Variants in ADCY2 observed in about 807,000 individuals in gnomAD.
ADCY2 encodes the protein adenylate cyclase type 2.
ADCY2 carries 31 observed loss-of-function variants against 125.2 expected under a neutral mutation model. The observed-to-expected ratio is 0.25, with a 90% CI of 0.19 to 0.33. The LOEUF is 0.33. Ranked by LOEUF, ADCY2 falls within the 10% of genes least tolerant of loss-of-function variation. ADCY2 has a pLI of 1.00. For synonymous variants in ADCY2, 512 were observed against 548.4 expected, an observed-to-expected ratio of 0.93 and a Z score of 0.93; for missense variants, 904 against 1,418.2, an observed-to-expected ratio of 0.64 and a Z score of 5.82.
chr5:7,807,702 C>A (rs1046291684), intron 22 of ADCY2, among the ~76,000 whole-genome samples: 3 of 152,196 alleles, frequency 2.0e-5, no homozygotes, highest in Non-Finnish European at 4.4e-5. Context: ...TGGATCACTT[C>A]CAGCTTCCTA....
chr5:7,678,022 T>C (rs1300031086), intron 4 of ADCY2, among the ~76,000 whole-genome samples: 1 of 152,242 alleles, frequency 6.6e-6, no homozygotes, highest in African/African-American at 2.4e-5. Flanking sequence ...AATATTTTTG[T>C]TGGCATGACA....
chr5:7,706,193 TTC>T (rs1407392610), intron 7 of ADCY2, among the ~76,000 whole-genome samples: 2 of 152,248 alleles, frequency 1.3e-5, no homozygotes, highest in Non-Finnish European at 2.9e-5. Flanking sequence ...GAAGTATTTT[TTC>T]TCTTTTTGTT....
chr5:7,658,685 G>T (rs531446268), intron 4 of ADCY2, among the ~76,000 whole-genome samples: 1 of 152,196 alleles, frequency 6.6e-6, no homozygotes, highest in East Asian at 1.9e-4. Flanking sequence ...GAGTTCTCCA[G>T]AGACACAACC....
chr5:7,611,376 G>A (rs902810258), intron 3 of ADCY2, among the ~76,000 whole-genome samples: 1 of 152,090 alleles, frequency 6.6e-6, no homozygotes, highest in Non-Finnish European at 1.5e-5. Context: ...TTTACCTAGT[G>A]TGCCCACTCT....
chr5:7,409,897 A>G (rs887433514), intron 1 of ADCY2, among the ~76,000 whole-genome samples: 8 of 152,182 alleles, frequency 5.3e-5, no homozygotes, highest in African/African-American at 1.9e-4. Flanking sequence ...TTGCCTATTT[A>G]TTCCTTTCAC....
chr5:7,735,351 C>T (rs531713031), intron 14 of ADCY2, among the ~76,000 whole-genome samples: 1 of 152,312 alleles, frequency 6.6e-6, no homozygotes, highest in African/African-American at 2.4e-5. Context: ...CTGGTTAAAG[C>T]CTCCAGTACA....
chr5:7,779,615 G>A (rs1743851800), intron 18 of ADCY2, among the ~76,000 whole-genome samples: 1 of 151,966 alleles, frequency 6.6e-6, no homozygotes, highest in Non-Finnish European at 1.5e-5. Context: ...TTTCTGACCT[G>A]CCACTGCCTC....
intron 3 of ADCY2, among the ~76,000 whole-genome samples, chr5:7,556,987 A>G (rs532355997): frequency 6.6e-6 from 1 of 152,062 alleles, no homozygotes; most frequent in South Asian, 2.1e-4. Context: ...GAAACGATAG[A>G]TGATTTTAGT....
At chr5:7,783,837 T>C (rs1392247688) in intron 18 of ADCY2, among the ~76,000 whole-genome samples, 1 of 152,222 alleles carries the variant, frequency 6.6e-6, no homozygotes, top group East Asian at 1.9e-4. Context: ...ACTCAGGCAG[T>C]GTACCCAAAA....
intron 1 of ADCY2, among the ~76,000 whole-genome samples, chr5:7,410,618 A>C (rs1739671189): frequency 6.6e-6 from 1 of 152,200 alleles, no homozygotes; most frequent in South Asian, 2.1e-4. Flanking sequence ...TTTAGTATGC[A>C]TTATATGGTA....
rs901492224 is a variant in ADCY2 at position 7,396,908 on chromosome 5, C to T, written c.210+402C>T. On this transcript the variant is annotated intron_variant, in intron 1 of 24. Coordinates refer to ENST00000338316, the MANE Select transcript of ADCY2 (RefSeq NM_020546.3). The surrounding 1 kb of genome is among the most constrained non-coding windows in gnomAD (Gnocchi z 5.7). Reference sequence around the variant, plus strand: ...CCTGGGCGAGTCGCTGTCTCCTGCCCGGTTCCACTGGCATGGCCCCACAGT... The same window carrying T: ...CCTGGGCGAGTCGCTGTCTCCTGCCTGGTTCCACTGGCATGGCCCCACAGT... Among the ~76,000 whole-genome samples the T allele has an allele frequency of 6.6e-6, 1 of 152,294 alleles. No homozygotes were observed. Among genetic ancestry groups the T allele is most frequent in the Non-Finnish European group, 1.5e-5 (1 of 68,022 alleles).
intron 4 of ADCY2, among the ~76,000 whole-genome samples, chr5:7,661,875 T>G (rs1739547983): frequency 6.6e-6 from 1 of 152,192 alleles, no homozygotes; most frequent in Non-Finnish European, 1.5e-5. Context: ...GTGTTTAGAG[T>G]GTTTTTGTCA....
At chr5:7,590,110 A>T (rs1030225420) in intron 3 of ADCY2, among the ~76,000 whole-genome samples, 1 of 152,202 alleles carries the variant, frequency 6.6e-6, no homozygotes, top group African/African-American at 2.4e-5. Context: ...CAAAGCCGAC[A>T]GGAGCTATTG....
Position 7,404,534 on chromosome 5 carries a change from A to G in ADCY2, c.210+8028A>G, listed in dbSNP as rs76084180. ...CAGGATGAAGGAGGGCACATCCCACAACACACTTCTTTCCTAATTGTTGCA... is the reference window on the plus strand; with the variant it reads ...CAGGATGAAGGAGGGCACATCCCACGACACACTTCTTTCCTAATTGTTGCA... On this transcript the variant is annotated intron_variant, in intron 1 of 24. Coordinates refer to ENST00000338316, the MANE Select transcript of ADCY2 (RefSeq NM_020546.3). 5.3e-5 allele frequency among the ~76,000 whole-genome samples: 8 copies of G among 152,310 alleles called. No homozygotes were observed. The East Asian group carries it at 1.5e-3, about 29-fold the overall frequency.
intron 7 of ADCY2, among the ~76,000 whole-genome samples, chr5:7,699,121 G>A (rs1387057817): frequency 7.8e-5 from 4 of 50,974 alleles, no homozygotes; most frequent in Non-Finnish European, 1.1e-4. Context: ...TTTTTGAGAC[G>A]GAGTCTCGCT....
chr5:7,673,098 C>T (rs1739988054), intron 4 of ADCY2, among the ~76,000 whole-genome samples: 1 of 150,772 alleles, frequency 6.6e-6, no homozygotes, highest in Non-Finnish European at 1.5e-5. Context: ...TTAAGCAAAA[C>T]CGAATTTTAT....
chr5:7,569,441 A>C (rs532669964), intron 3 of ADCY2, among the ~76,000 whole-genome samples: 41 of 152,230 alleles, frequency 2.7e-4, no homozygotes, highest in Non-Finnish European at 4.0e-4. Context: ...GGCACTAAAG[A>C]GATAATTAAT....
intron 2 of ADCY2, among the ~76,000 whole-genome samples, chr5:7,519,046 C>G (rs969188824): frequency 3.5e-4 from 54 of 152,168 alleles, no homozygotes; most frequent in Non-Finnish European, 5.9e-5. Context: ...CCTGGAGTGC[C>G]AAATCGAAGA....
rs572299188 is a variant in ADCY2, at chr5:7,825,272, A to G, written c.3124-1447A>G. On this transcript the variant is annotated intron_variant, in intron 24 of 24. Coordinates refer to ENST00000338316, the MANE Select transcript of ADCY2 (RefSeq NM_020546.3). ...TGACAACGCTGCTGTGTGCCATGAC[A>G]ATGCTGCTGTGTGACATGACAACGC... Among the ~76,000 whole-genome samples the G allele has an allele frequency of 7.2e-5, 11 of 152,034 alleles. No individual in the cohort carries two copies. The East Asian group carries it at 2.1e-3, about 30-fold the overall frequency.
Sources: gnomAD v4.1 joint callset for allele counts (sites outside exome capture counted in the v4.1 genomes callset) on GRCh38, gnomAD v4.1.1 for gene constraint, Gnocchi (gnomAD v3.1) non-coding constraint, MANE v1.5 for transcripts, NCBI Gene and HGNC (gene_info 2026-07-23, HGNC 2026-07-21) for gene names.